Variants in CLDN2 observed in about 807,000 individuals in gnomAD.
CLDN2 encodes the protein claudin-2.
Under a neutral mutation model 8.2 loss-of-function variants are expected in CLDN2, and 1 was observed. The observed-to-expected ratio is 0.12, with a 90% CI of 0.04 to 0.58. The LOEUF (loss-of-function observed/expected upper bound fraction) is 0.58, where lower values mean the gene tolerates loss of function less well. CLDN2 is among the 20% of genes least tolerant of loss of function. CLDN2 has a pLI of 0.90. For missense variants in CLDN2, 108 were observed against 172.9 expected (o/e 0.62, Z 2.11); for synonymous variants, 70 against 70.2 (o/e 1.00, Z 0.01).
intron 1 of CLDN2, among the ~76,000 whole-genome samples, chrX:106,906,483 AT>A (rs1385073951): frequency 1.8e-5 from 2 of 111,062 alleles, no homozygotes; most frequent in East Asian, 5.7e-4. Flanking sequence ...GCTTGGCCAC[AT>A]TCCAAACTTC....
At chrX:106,900,769 C>T in intron 1 of CLDN2, 1 of 1,210,154 alleles carries the variant, frequency 8.3e-7, no homozygotes, top group African/African-American at 1.7e-5. Context: ...TCTTCATCCT[C>T]CTGCTCTTCA....
upstream of CLDN2, among the ~76,000 whole-genome samples, chrX:106,916,548 G>A (rs918835549): frequency 9.0e-6 from 1 of 111,390 alleles, no homozygotes; most frequent in Non-Finnish European, 1.9e-5. Flanking sequence ...GAGAGATGAT[G>A]CTAAGGGGAG....
At chrX:106,901,535 C>T (rs777555072) in intron 1 of CLDN2, 3 of 1,211,246 alleles carry the variant, frequency 2.5e-6, no homozygotes, top group South Asian at 3.5e-5. Flanking sequence ...GCCCCACCAG[C>T]AGCCTGTCCA....
intron 1 of CLDN2, among the ~76,000 whole-genome samples, chrX:106,906,047 C>T (rs1424993133): frequency 8.9e-6 from 1 of 112,122 alleles, no homozygotes; most frequent in South Asian, 3.8e-4. Flanking sequence ...GGCTTTTCCC[C>T]GGCCTGTAAG....
upstream of CLDN2, among the ~76,000 whole-genome samples, chrX:106,916,371 G>T (rs140177585): frequency 1.5e-3 from 162 of 111,361 alleles, 3 homozygotes; most frequent in East Asian, 0.042. Flanking sequence ...AGCATTGTAG[G>T]CTTGAGAAAC....
intron 1 of CLDN2, among the ~76,000 whole-genome samples, chrX:106,924,652 T>C (rs1569289506): frequency 9.1e-6 from 1 of 110,024 alleles, no homozygotes; most frequent in Non-Finnish European, 1.9e-5. Context: ...ATTTAATATA[T>C]ATTTTTTCAC....
At chrX:106,901,554 G>T in intron 1 of CLDN2, 1 of 1,207,964 alleles carries the variant, frequency 8.3e-7, no homozygotes, top group Non-Finnish European at 1.1e-6. Context: ...CAAAGCAAAA[G>T]CTAGCATGTG....
At chrX:106,927,939 C>G in intron 1 of CLDN2, 112 bp from the exon 2 acceptor site, 9 of 177,260 alleles carry the variant, frequency 5.1e-5, no homozygotes, top group Non-Finnish European at 5.9e-5. Context: ...TTTTTTTTTT[C>G]CTTTCTCATG....
intron 1 of CLDN2, among the ~76,000 whole-genome samples, chrX:106,909,114 G>T (rs1569286420): frequency 8.9e-6 from 1 of 112,126 alleles, no homozygotes; most frequent in African/African-American, 3.2e-5. Context: ...GCAGAGAAAA[G>T]TGGCACAGAG....
intron 1 of CLDN2, chrX:106,900,693 T>C: frequency 8.6e-7 from 1 of 1,159,971 alleles, no homozygotes; most frequent in Non-Finnish European, 1.2e-6. Context: ...TGTGGCGCTG[T>C]AGGGTATGGA....
chrX:106,903,015 G>C (rs1022328055), intron 1 of CLDN2: 1 of 759,662 alleles, frequency 1.3e-6, no homozygotes, highest in Admixed American at 2.7e-5. Flanking sequence ...GGAGGGCTAT[G>C]AGGCCATTGC....
intron 1 of CLDN2, among the ~76,000 whole-genome samples, chrX:106,910,506 A>G (rs1933235746): frequency 9.1e-6 from 1 of 109,679 alleles, no homozygotes; most frequent in East Asian, 2.9e-4. Flanking sequence ...TCAGGAGTTC[A>G]AGACCCTCCC....
intron 1 of CLDN2, among the ~76,000 whole-genome samples, chrX:106,905,216 C>G (rs974439683): frequency 1.8e-5 from 2 of 112,186 alleles, no homozygotes; most frequent in Admixed American, 9.4e-5. Flanking sequence ...TACATGGAGA[C>G]ACATTTTGGC....
At chrX:106,910,133 G>A (rs550405183) in intron 1 of CLDN2, among the ~76,000 whole-genome samples, 3 of 110,519 alleles carry the variant, frequency 2.7e-5, no homozygotes, top group African/African-American at 9.9e-5. Context: ...AAGATGAAGC[G>A]ATGCTGAATT....
intron 1 of CLDN2, among the ~76,000 whole-genome samples, chrX:106,912,649 C>G (rs1414224036): frequency 1.8e-5 from 2 of 110,233 alleles, no homozygotes; most frequent in Admixed American, 9.6e-5. Context: ...CTCCTGGGCT[C>G]AAGCATTCCA....
At chrX:106,903,988 G>C (rs1270858975) in intron 1 of CLDN2, among the ~76,000 whole-genome samples, 2 of 112,538 alleles carry the variant, frequency 1.8e-5, no homozygotes, top group African/African-American at 6.5e-5. Context: ...AAGTGGTCCA[G>C]TGAAGGAGAG....
At chrX:106,909,696 G>A (rs757403578) in intron 1 of CLDN2, among the ~76,000 whole-genome samples, 6 of 112,243 alleles carry the variant, frequency 5.3e-5, no homozygotes, top group Non-Finnish European at 1.1e-4. Context: ...AATGGTGCCT[G>A]GGGCCTCTGC....
At chrX:106,922,972 A>AT (rs57514922) in intron 1 of CLDN2, among the ~76,000 whole-genome samples, 933 of 78,372 alleles carry the variant, frequency 0.012, 12 homozygotes, top group African/African-American at 0.032. Context: ...AGCTCTGAAG[A>AT]TTTTTTTTTT....
chrX:106,900,757 C>T, intron 1 of CLDN2: 1 of 1,208,381 alleles, frequency 8.3e-7, no homozygotes, highest in Non-Finnish European at 1.1e-6. Context: ...TCCTACTTCT[C>T]TTCTTCATCC....
Sources: allele counts gnomAD v4.1 joint callset (sites outside exome capture counted in the v4.1 genomes callset), GRCh38; gene constraint gnomAD v4.1.1; transcripts MANE v1.5; gene names NCBI Gene and HGNC (gene_info 2026-07-23, HGNC 2026-07-21).